The following BACH2 variants were observed in gnomAD, a reference collection of about 807,000 sequenced individuals.
BACH2 encodes the protein BACH transcriptional regulator 2, also known as transcription regulator protein BACH2.
BACH2 carries 5 observed loss-of-function variants against 61.8 expected under a neutral mutation model. The observed-to-expected ratio is 0.08, with a 90% CI of 0.04 to 0.17. The LOEUF is 0.17. BACH2 is among the 10% of genes least tolerant of loss of function. BACH2 has a pLI of 1.00. For synonymous variants in BACH2, 446 were observed against 440.1 expected, an observed-to-expected ratio of 1.01 and a Z score of -0.17; for missense variants, 824 against 1,091.1, an observed-to-expected ratio of 0.76 and a Z score of 3.45.
chr6:90,094,132 T>A (rs1184891145), intron 4 of BACH2, among the ~76,000 whole-genome samples: 1 of 152,212 alleles, frequency 6.6e-6, no homozygotes, highest in African/African-American at 2.4e-5. Flanking sequence ...AAGTAAATGG[T>A]ATTCAATTAC....
At chr6:90,255,402 AG>A (rs1770944980) in intron 2 of BACH2, among the ~76,000 whole-genome samples, 1 of 152,216 alleles carries the variant, frequency 6.6e-6, no homozygotes, top group South Asian at 2.1e-4. Context: ...CTCATACAGA[AG>A]TATCAAGGCA....
intron 4 of BACH2, among the ~76,000 whole-genome samples, chr6:90,094,320 T>C (rs143497079): frequency 6.6e-6 from 1 of 152,210 alleles, no homozygotes; most frequent in African/African-American, 2.4e-5. Context: ...CTTAGTGGCT[T>C]TAATGGGATT....
chr6:90,130,860 G>A (rs560702821), intron 4 of BACH2, among the ~76,000 whole-genome samples: 2 of 152,304 alleles, frequency 1.3e-5, no homozygotes, highest in East Asian at 1.9e-4. Flanking sequence ...TAAGACCTGC[G>A]GTTAATCTGT....
In BACH2 at chr6:90,090,944, T is replaced by G. The variant is rs1422941080; in HGVS notation, c.-161-1835A>C. ...ATCAAATCAGAATAGCTAATAATAATGGCTAACCCTTATGCATGATTACAG... is the reference window on the plus strand; with the variant it reads ...ATCAAATCAGAATAGCTAATAATAAGGGCTAACCCTTATGCATGATTACAG... On this transcript the variant is annotated intron_variant, in intron 4 of 8. Transcript: ENST00000257749. Among the ~76,000 whole-genome samples the G allele has an allele frequency of 6.6e-5, 10 of 152,272 alleles. 1 individual carries two copies. The East Asian group carries it at 1.7e-3, about 26-fold the overall frequency.
chr6:90,093,333 T>C (rs1201255537), intron 4 of BACH2, among the ~76,000 whole-genome samples: 2 of 152,152 alleles, frequency 1.3e-5, no homozygotes, highest in Non-Finnish European at 2.9e-5. Context: ...GGGCTCTTTT[T>C]GGTATTATGA....
At chr6:90,031,841 T>C (rs1048833179) in intron 5 of BACH2, among the ~76,000 whole-genome samples, 15 of 152,104 alleles carry the variant, frequency 9.9e-5, no homozygotes, top group Admixed American at 3.9e-4. Context: ...CTTCACAGAA[T>C]TGGAAAAAAC....
intron 4 of BACH2, among the ~76,000 whole-genome samples, chr6:90,118,019 A>G: frequency 6.6e-6 from 1 of 152,256 alleles, no homozygotes; most frequent in South Asian, 2.1e-4. Flanking sequence ...ATTGACTATA[A>G]TATTTTTCAT....
chr6:90,190,428 G>A (rs535721942), intron 4 of BACH2, among the ~76,000 whole-genome samples: 2 of 152,308 alleles, frequency 1.3e-5, no homozygotes, highest in African/African-American at 4.8e-5. Flanking sequence ...CTGCTCTTCT[G>A]CTAATAACAG....
At chr6:90,166,453 C>T (rs369659664) in intron 4 of BACH2, among the ~76,000 whole-genome samples, 13 of 152,116 alleles carry the variant, frequency 8.5e-5, no homozygotes, top group Non-Finnish European at 1.6e-4. Context: ...TTACACTGTT[C>T]GTGGGACTAT....
At chr6:90,073,079 A>G (rs555260776) in intron 5 of BACH2, among the ~76,000 whole-genome samples, 85 of 152,382 alleles carry the variant, frequency 5.6e-4, no homozygotes, top group African/African-American at 2.0e-3. Context: ...ATCCTCGCTC[A>G]CAGTCATCCA....
rs145071235 is a variant in BACH2, at chr6:89,955,524, G to A, written c.244-3662C>T. ...TCTAGGTCAAGGGTTGCTTTGATACGATGGCTACTTTCGGAACTGTCACAA... is the reference window on the plus strand; with the variant it reads ...TCTAGGTCAAGGGTTGCTTTGATACAATGGCTACTTTCGGAACTGTCACAA... On this transcript the variant is annotated intron_variant, in intron 6 of 8. Coordinates refer to ENST00000257749, the MANE Select transcript of BACH2 (RefSeq NM_021813.4). 6.6e-5 allele frequency among the ~76,000 whole-genome samples: 10 copies of A among 152,250 alleles called. No homozygotes were observed. In the East Asian group the frequency reaches 1.4e-3, roughly 21 times the overall value.
rs144901856 is a variant in BACH2, at chr6:90,069,964, A to G, written c.-13+18997T>C. ...CTTGACTGGCAGAGGTGGGTGAGAA[A>G]GGACACTCCTCTCCTGTCTTCCTCA... On this transcript the variant is annotated intron_variant, in intron 5 of 8. Transcript: ENST00000257749. Among the ~76,000 whole-genome samples the G allele has an allele frequency of 2.9e-3, 440 of 152,252 alleles. 3 individuals are homozygous for G. Among genetic ancestry groups the G allele is most frequent in the African/African-American group, 0.01 (417 of 41,544 alleles).
chr6:90,141,011 C>T (rs79005509), intron 4 of BACH2, among the ~76,000 whole-genome samples: 2,124 of 152,188 alleles, frequency 0.014, 29 homozygotes, highest in Non-Finnish European at 0.02. Context: ...CAATATCTAA[C>T]AAGAAAGGAC....
intron 4 of BACH2, among the ~76,000 whole-genome samples, chr6:90,119,866 A>C (rs996513348): frequency 5.3e-5 from 8 of 152,240 alleles, no homozygotes; most frequent in African/African-American, 1.9e-4. Context: ...ATCTATCAAA[A>C]TCAGAGAGTT....
In BACH2 at chr6:89,974,200, C is replaced by T. The variant is rs529171641; in HGVS notation, c.244-22338G>A. On this transcript the variant is annotated intron_variant, in intron 6 of 8. Transcript: ENST00000257749. ...TGAGAACTTGGGCTCTGGAGTCAGG[C>T]TGCCTGGCCTTAAGTCCTGGCTCCT... is the stretch of plus-strand genomic sequence containing the variant. Among the ~76,000 whole-genome samples, 28 of 152,278 alleles carry T rather than the reference C, an allele frequency of 1.8e-4. 2 individuals carry two copies. In the South Asian group the frequency reaches 5.8e-3, roughly 32 times the overall value.
chr6:90,201,986 T>C (rs1768971359), intron 4 of BACH2, among the ~76,000 whole-genome samples: 1 of 152,230 alleles, frequency 6.6e-6, no homozygotes, highest in African/African-American at 2.4e-5. Flanking sequence ...ACTTGCTCTT[T>C]AAGAAGTTTA....
chr6:89,973,371 C>T (rs1775477490), intron 6 of BACH2, among the ~76,000 whole-genome samples: 1 of 152,238 alleles, frequency 6.6e-6, no homozygotes, highest in Non-Finnish European at 1.5e-5. Context: ...GTTGACTTTC[C>T]TCCCAGGACC....
At position 89,959,097 on chromosome 6, in the gene BACH2, G is replaced by GCACACACA. The variant is rs60175244; in HGVS notation, c.244-7243_244-7236dup. On this transcript the variant is annotated intron_variant, in intron 6 of 8. Transcript: ENST00000257749. ...GTCAATAACACATGCATGCACAAGT[G>GCACACACA]CACACACACACACACACACACACAC... 6.9e-3 allele frequency among the ~76,000 whole-genome samples: 934 copies of GCACACACA among 134,436 alleles called. 21 individuals carry two copies. The highest frequency in any genetic ancestry group is 0.026 in the East Asian group (112 of 4,286). 88.2% of individuals were successfully genotyped at this position (134,436 alleles called of 152,430 possible).
chr6:89,972,576 C>T (rs915309895), intron 6 of BACH2, among the ~76,000 whole-genome samples: 1 of 152,066 alleles, frequency 6.6e-6, no homozygotes, highest in African/African-American at 2.4e-5. Flanking sequence ...CCAGGCAGAC[C>T]CAAGGCAGTT....
Sources: allele counts gnomAD v4.1 joint callset (sites outside exome capture counted in the v4.1 genomes callset), GRCh38; gene constraint gnomAD v4.1.1; transcripts MANE v1.5; gene names NCBI Gene and HGNC (gene_info 2026-07-23, HGNC 2026-07-21).